FANCB: variants seen among roughly 807,000 people sequenced by gnomAD.
FANCB encodes the protein FA complementation group B, also known as Fanconi anemia group B protein.
In FANCB, 5 loss-of-function variants were observed where a neutral mutation model predicts 38.9. The ratio of observed to expected loss-of-function variants is 0.13; its 90% CI spans 0.07 to 0.27. The LOEUF (loss-of-function observed/expected upper bound fraction) is 0.27, where lower values mean the gene tolerates loss of function less well. FANCB is among the 10% of genes least tolerant of loss of function. The pLI, the probability that FANCB is intolerant of heterozygous loss-of-function variation, is 1.00. For missense variants in FANCB, 573 were observed against 602.7 expected, an observed-to-expected ratio of 0.95 and a Z score of 0.52; for synonymous variants, 236 against 215.4, an observed-to-expected ratio of 1.10 and a Z score of -0.84.
the FANCB span, among the ~76,000 whole-genome samples, chrX:14,814,041 T>C: frequency 9.0e-6 from 1 of 111,640 alleles, no homozygotes; most frequent in East Asian, 2.8e-4. Flanking sequence ...AACCATCTGA[T>C]TTTGACAAAT....
At chrX:14,725,585 A>T in the FANCB span, among the ~76,000 whole-genome samples, 1 of 111,916 alleles carries the variant, frequency 8.9e-6, no homozygotes, top group Non-Finnish European at 1.9e-5. Context: ...AGAATAAAAG[A>T]AAAATTACAA....
the FANCB span, among the ~76,000 whole-genome samples, chrX:14,823,784 G>T: frequency 2.7e-4 from 30 of 111,631 alleles, no homozygotes; most frequent in African/African-American, 9.1e-4. Flanking sequence ...TCAAGATATA[G>T]AACATTTCTA....
chrX:14,708,947 GAA>G, the FANCB span, among the ~76,000 whole-genome samples: 1 of 102,503 alleles, frequency 9.8e-6, no homozygotes, highest in Admixed American at 1.0e-4. Context: ...CACACAAAAA[GAA>G]AAAAAAAAGA....
At chrX:14,729,999 AC>A in the FANCB span, among the ~76,000 whole-genome samples, 1 of 111,834 alleles carries the variant, frequency 8.9e-6, no homozygotes, top group Non-Finnish European at 1.9e-5. Flanking sequence ...CATTATTCTT[AC>A]CCTTAATTTC....
the FANCB span, among the ~76,000 whole-genome samples, chrX:14,732,277 T>G: frequency 6.2e-5 from 7 of 112,219 alleles, no homozygotes; most frequent in Non-Finnish European, 1.3e-4. Flanking sequence ...CTTTATCCAG[T>G]CTATCATTGA....
intron 1 of FANCB, among the ~76,000 whole-genome samples, chrX:14,871,796 C>T (rs1258061441): frequency 9.4e-6 from 1 of 106,667 alleles, no homozygotes; most frequent in East Asian, 2.8e-4. Context: ...TCCCTGAGTG[C>T]TTTCTCAAGA....
the FANCB span, among the ~76,000 whole-genome samples, chrX:14,706,499 G>A: frequency 8.9e-6 from 1 of 112,083 alleles, no homozygotes; most frequent in Admixed American, 9.4e-5. Context: ...CTTGTGTTTT[G>A]CACTAAATTT....
the FANCB span, among the ~76,000 whole-genome samples, chrX:14,700,644 G>A: frequency 3.6e-5 from 4 of 111,456 alleles, no homozygotes; most frequent in Non-Finnish European, 5.6e-5. Context: ...GTGGAGAGAC[G>A]GAGGCAGACA....
At chrX:14,864,189 C>T (rs1342148424) in intron 3 of FANCB, among the ~76,000 whole-genome samples, 1 of 111,325 alleles carries the variant, frequency 9.0e-6, no homozygotes, top group African/African-American at 3.3e-5. Context: ...TTGAATTTTC[C>T]AGGAAGGCTT....
chrX:14,725,060 A>G, the FANCB span, among the ~76,000 whole-genome samples: 4 of 111,892 alleles, frequency 3.6e-5, no homozygotes, highest in African/African-American at 9.7e-5. Context: ...TCTCAGCTTC[A>G]ACATTTATTA....
the FANCB span, among the ~76,000 whole-genome samples, chrX:14,830,800 C>T: frequency 8.9e-6 from 1 of 111,785 alleles, no homozygotes; most frequent in East Asian, 2.8e-4. Flanking sequence ...TGATGGATGC[C>T]CATCCATACC....
At chrX:14,706,196 GCAGCAT>G in the FANCB span, among the ~76,000 whole-genome samples, 2 of 111,756 alleles carry the variant, frequency 1.8e-5, no homozygotes, top group Admixed American at 1.9e-4. Flanking sequence ...CTGTTGACCA[GCAGCAT>G]CAGCATCACC....
At chrX:14,829,108 G>A in the FANCB span, among the ~76,000 whole-genome samples, 1 of 111,635 alleles carries the variant, frequency 9.0e-6, no homozygotes, top group Admixed American at 9.5e-5. Context: ...TTACCCAGAT[G>A]CATCAGAGGA....
chrX:14,766,708 G>A, the FANCB span, among the ~76,000 whole-genome samples: 1 of 109,751 alleles, frequency 9.1e-6, no homozygotes, highest in Non-Finnish European at 1.9e-5. Flanking sequence ...ATAAGTCCAG[G>A]GGTACATGTG....
chrX:14,780,682 T>C, the FANCB span, among the ~76,000 whole-genome samples: 2 of 110,849 alleles, frequency 1.8e-5, no homozygotes, highest in Admixed American at 1.9e-4. Flanking sequence ...CAACCCTGCA[T>C]TGCGGTACAA....
At chrX:14,691,497 CAG>C in the FANCB span, among the ~76,000 whole-genome samples, 2 of 111,613 alleles carry the variant, frequency 1.8e-5, no homozygotes, top group Non-Finnish European at 3.8e-5. Context: ...TTACACTGTC[CAG>C]AGACTTCAGG....
chrX:14,773,865 G>A, the FANCB span, among the ~76,000 whole-genome samples: 2 of 110,943 alleles, frequency 1.8e-5, no homozygotes, highest in African/African-American at 3.3e-5. Context: ...ATTGAGGTTC[G>A]CTCTCAAAGA....
the FANCB span, among the ~76,000 whole-genome samples, chrX:14,717,059 C>T: frequency 9.0e-6 from 1 of 111,302 alleles, no homozygotes; most frequent in Non-Finnish European, 1.9e-5. Flanking sequence ...TCTGACGTGT[C>T]CAAAGTTTAG....
intron 1 of FANCB, among the ~76,000 whole-genome samples, chrX:14,872,639 C>CA (rs1363861732): frequency 1.2e-5 from 1 of 85,877 alleles, no homozygotes; most frequent in Non-Finnish European, 2.2e-5. Context: ...AAAACCGCCC[C>CA]CCCCACACAC....
Sources: gnomAD v4.1 joint callset for allele counts (sites outside exome capture counted in the v4.1 genomes callset) on GRCh38, gnomAD v4.1.1 for gene constraint, MANE v1.5 for transcripts, NCBI Gene and HGNC (gene_info 2026-07-23, HGNC 2026-07-21) for gene names.